DCLK2: variants seen among roughly 807,000 people sequenced by gnomAD.
DCLK2 encodes the protein doublecortin like kinase 2.
A neutral mutation model predicts 78.4 loss-of-function variants in DCLK2; 31 were observed. That is an observed-to-expected ratio of 0.40 (90% CI 0.30 to 0.53). The LOEUF is 0.53. Among genes scored for constraint, DCLK2 ranks in the 20% least tolerant of loss-of-function variants. DCLK2 has a pLI of 0.61. For synonymous variants in DCLK2, 407 were observed against 374.9 expected (o/e 1.09, Z -0.99); for missense variants, 872 against 973.7 (o/e 0.90, Z 1.39).
intron 5 of DCLK2, among the ~76,000 whole-genome samples, chr4:150,215,558 A>G (rs1436341727): frequency 6.6e-6 from 1 of 152,210 alleles, no homozygotes; most frequent in Non-Finnish European, 1.5e-5. Flanking sequence ...GAAGATATGC[A>G]TAGGGCGAGG....
chr4:150,124,349 T>C (rs1441560155), intron 2 of DCLK2, among the ~76,000 whole-genome samples: 1 of 152,192 alleles, frequency 6.6e-6, no homozygotes, highest in African/African-American at 2.4e-5. Flanking sequence ...TTTTTTGTTT[T>C]GTAGTGGTTT....
At chr4:150,131,835 C>T (rs1361691091) in intron 2 of DCLK2, among the ~76,000 whole-genome samples, 1 of 152,044 alleles carries the variant, frequency 6.6e-6, no homozygotes, top group Non-Finnish European at 1.5e-5. Context: ...CAGAAGTGAG[C>T]CTCCCTTTCT....
chr4:150,156,739 TATTTTATTTATTTA>T, intron 2 of DCLK2, among the ~76,000 whole-genome samples: 1 of 142,984 alleles, frequency 7.0e-6, no homozygotes, highest in South Asian at 2.3e-4. Context: ...AGGGAGTAAC[TATTTTATTTATTTA>T]TTTATTTATT....
chr4:150,211,554 T>A (rs1204834925), intron 5 of DCLK2, among the ~76,000 whole-genome samples: 1 of 152,142 alleles, frequency 6.6e-6, no homozygotes, highest in Non-Finnish European at 1.5e-5. Context: ...CACTCAAAAT[T>A]TCTGCCCTGG....
chr4:150,233,478 A>G (rs955936104), intron 10 of DCLK2, among the ~76,000 whole-genome samples: 2 of 152,228 alleles, frequency 1.3e-5, no homozygotes, highest in African/African-American at 4.8e-5. Context: ...TATAGGGCAG[A>G]AAATTGTGAA....
At chr4:150,113,096 G>C (rs889394279) in intron 2 of DCLK2, among the ~76,000 whole-genome samples, 3 of 152,142 alleles carry the variant, frequency 2.0e-5, no homozygotes, top group African/African-American at 7.2e-5. Flanking sequence ...ACAGCTGTGA[G>C]CCACTGTGCC....
At chr4:150,103,172 T>G (rs1731006196) in intron 2 of DCLK2, among the ~76,000 whole-genome samples, 1 of 152,146 alleles carries the variant, frequency 6.6e-6, no homozygotes, top group Admixed American at 6.5e-5. Context: ...GTAAAGTCAT[T>G]ATGGACTTGG....
chr4:150,225,536 A>G (rs936521104), intron 8 of DCLK2, among the ~76,000 whole-genome samples: 1 of 152,210 alleles, frequency 6.6e-6, no homozygotes. Context: ...CACCAGAGCT[A>G]CCAGTCACGT....
rs574652739 is a variant in DCLK2, at chr4:150,206,012, C to T, written c.1056+2123C>T. ...TTTTGTTACCCATTGGTAATCCCAGCTCCCGTCTTCCTAGTCCATCTTCAC... is the reference window on the plus strand; with the variant it reads ...TTTTGTTACCCATTGGTAATCCCAGTTCCCGTCTTCCTAGTCCATCTTCAC... On this transcript the variant is annotated intron_variant, in intron 5 of 15. Coordinates refer to ENST00000296550, the MANE Select transcript of DCLK2 (RefSeq NM_001040260.4). 1.6e-4 allele frequency among the ~76,000 whole-genome samples: 25 copies of T among 152,318 alleles called. 1 individual carries two copies. In the South Asian group the frequency reaches 5.2e-3, roughly 32 times the overall value.
chr4:150,162,446 C>G (rs970100552), intron 2 of DCLK2, among the ~76,000 whole-genome samples: 1 of 152,118 alleles, frequency 6.6e-6, no homozygotes, highest in Non-Finnish European at 1.5e-5. Context: ...GTATTATCTT[C>G]CATATATATT....
chr4:150,135,950 G>A (rs1179547181), intron 2 of DCLK2, among the ~76,000 whole-genome samples: 1 of 152,186 alleles, frequency 6.6e-6, no homozygotes, highest in Non-Finnish European at 1.5e-5. Context: ...ACAGAGCTTT[G>A]TGGGGTTTCT....
intron 2 of DCLK2, among the ~76,000 whole-genome samples, chr4:150,145,269 T>C (rs549452172): frequency 6.6e-6 from 1 of 152,330 alleles, no homozygotes; most frequent in African/African-American, 2.4e-5. Context: ...TTACCAGGCA[T>C]CACCCCCAGG....
At position 150,181,232 on chromosome 4, in the gene DCLK2, C is replaced by T. The variant is rs531168814; in HGVS notation, c.757-11906C>T. 2.3e-4 allele frequency among the ~76,000 whole-genome samples: 35 copies of T among 152,070 alleles called. No homozygotes were observed. The South Asian group carries it at 4.0e-3, about 17-fold the overall frequency. On this transcript the variant is annotated intron_variant, in intron 2 of 15. Transcript: ENST00000296550. The stretch of plus-strand genomic sequence containing the variant: ...TGTCTTTTGTTATAGGAGTGTCTAC[C>T]GTGATCCTTACGATGGGGAAGAAAG...
At chr4:150,124,820 G>C (rs771496371) in intron 2 of DCLK2, among the ~76,000 whole-genome samples, 44 of 152,162 alleles carry the variant, frequency 2.9e-4, no homozygotes, top group Non-Finnish European at 4.9e-4. Context: ...ATTTTCTCTT[G>C]CAGAGCATTC....
Position 150,226,523 on chromosome 4 carries a change from T to TAA in DCLK2, c.1299+1974_1299+1975dup, listed in dbSNP as rs137929782. 3.1e-4 allele frequency among the ~76,000 whole-genome samples: 46 copies of TAA among 148,370 alleles called. 1 individual carries two copies. The highest frequency in any genetic ancestry group is 1.1e-3 in the African/African-American group (46 of 40,662). On this transcript the variant is annotated intron_variant, in intron 8 of 15. Coordinates refer to ENST00000296550, the MANE Select transcript of DCLK2 (RefSeq NM_001040260.4). Reference sequence around the variant, plus strand: ...TACATTAAAAATTTTTTCAAAACAGTAAAAAAAAAATAAAAAGGTGCTATG... The same window carrying TAA: ...TACATTAAAAATTTTTTCAAAACAGTAAAAAAAAAAAATAAAAAGGTGCTATG...
chr4:150,223,734 ACTCT>A (rs950516754), intron 7 of DCLK2, among the ~76,000 whole-genome samples: 2 of 133,194 alleles, frequency 1.5e-5, no homozygotes, highest in African/African-American at 5.5e-5. Context: ...ACAGAGCAAG[ACTCT>A]CTCTCAATAA....
chr4:150,187,241 C>T (rs1319893229), intron 2 of DCLK2, among the ~76,000 whole-genome samples: 2 of 152,118 alleles, frequency 1.3e-5, no homozygotes, highest in East Asian at 3.9e-4. Flanking sequence ...ATCATAGCTA[C>T]TGCAGCCTCA....
intron 2 of DCLK2, among the ~76,000 whole-genome samples, chr4:150,119,456 G>A (rs1159372049): frequency 6.6e-6 from 1 of 152,168 alleles, no homozygotes; most frequent in Non-Finnish European, 1.5e-5. Context: ...GTTCTAGTTG[G>A]TAAAGTCATG....
At chr4:150,194,207 C>T (rs532907357) in intron 3 of DCLK2, among the ~76,000 whole-genome samples, 2 of 152,182 alleles carry the variant, frequency 1.3e-5, no homozygotes, top group East Asian at 1.9e-4. Context: ...AGGTCCTTAC[C>T]GTTGTGTTAC....
Sources: gnomAD v4.1 joint callset for allele counts (sites outside exome capture counted in the v4.1 genomes callset) on GRCh38, gnomAD v4.1.1 for gene constraint, MANE v1.5 for transcripts, NCBI Gene and HGNC (gene_info 2026-07-23, HGNC 2026-07-21) for gene names.